The following FAF1 variants were observed in gnomAD, a reference collection of about 807,000 sequenced individuals.
FAF1 encodes Fas associated factor 1, also known as FAS-associated factor 1.
FAF1 carries 25 observed loss-of-function variants against 92.5 expected under a neutral mutation model. The observed-to-expected ratio is 0.27, with a 90% confidence interval of 0.20 to 0.38. The LOEUF is 0.38. FAF1 is among the 10% of genes least tolerant of loss of function. FAF1 has a pLI of 1.00. For missense variants in FAF1, 636 were observed against 793.3 expected (o/e 0.80, Z 2.38); for synonymous variants, 234 against 273.2 (o/e 0.86, Z 1.42).
Position 50,801,654 on chromosome 1 carries a change from T to C in FAF1, c.138A>G (p.Pro46=), listed in dbSNP as rs374575473. Residue 46 remains proline, a synonymous_variant, in exon 3 of 19, where the codon CCA becomes CCG. Coordinates refer to ENST00000396153, the MANE Select transcript of FAF1 (RefSeq NM_007051.3). ...ACCTTTGTAGAATGCCATTTTCCTG[T>C]GGTATTACACCATTGATAGCTGCCT... ...DLVAAINGVI[P]QENGILQSEY... is the part of the protein sequence containing the mutation. The C allele has an allele frequency of 3.8e-6, 6 of 1,596,588 alleles. No homozygotes were observed. In the African/African-American group the frequency reaches 6.7e-5, roughly 18 times the overall value.
At chr1:50,690,144 T>C (rs1656856521) in intron 7 of FAF1, among the ~76,000 whole-genome samples, 2 of 151,742 alleles carry the variant, frequency 1.3e-5, no homozygotes, top group South Asian at 2.1e-4. Flanking sequence ...TACAGGCACA[T>C]GTCACCATGC....
chr1:50,867,450 A>G (rs1644490752), intron 1 of FAF1, among the ~76,000 whole-genome samples: 1 of 152,168 alleles, frequency 6.6e-6, no homozygotes, highest in African/African-American at 2.4e-5. Context: ...ACAAAGAACT[A>G]ATATCTGGAA....
intron 1 of FAF1, among the ~76,000 whole-genome samples, chr1:50,956,677 G>A (rs965260483): frequency 1.3e-5 from 2 of 152,196 alleles, no homozygotes; most frequent in African/African-American, 4.8e-5. Context: ...AGCCGGGTGC[G>A]GTGGCTCATG....
At chr1:50,849,521 C>T (rs536677220) in intron 2 of FAF1, among the ~76,000 whole-genome samples, 43 of 152,072 alleles carry the variant, frequency 2.8e-4, no homozygotes, top group African/African-American at 1.0e-3. Flanking sequence ...AAATAAGTCC[C>T]AAAATTCAAG....
In FAF1 at chr1:50,580,100, G is replaced by A. The variant is rs1451420280; in HGVS notation, c.1113+2518C>T. On this transcript the variant is annotated intron_variant, in intron 12 of 18. Coordinates refer to ENST00000396153, the MANE Select transcript of FAF1 (RefSeq NM_007051.3). ...AATAAATATACAGTATACCCTAAAT[G>A]TTTCTGTGCAGTTTAAGTTTCAATA... 1.3e-5 allele frequency among the ~76,000 whole-genome samples: 2 copies of A among 152,154 alleles called. 1 individual carries two copies. Among genetic ancestry groups the A allele is most frequent in the South Asian group, 4.1e-4 (2 of 4,830 alleles).
At chr1:50,716,454 G>C (rs1658175147) in intron 6 of FAF1, among the ~76,000 whole-genome samples, 1 of 152,204 alleles carries the variant, frequency 6.6e-6, no homozygotes, top group Non-Finnish European at 1.5e-5. Context: ...GGTGAAGCCA[G>C]CTGGACTTCC....
chr1:50,636,582 C>T (rs570971214), intron 8 of FAF1, among the ~76,000 whole-genome samples: 1 of 152,194 alleles, frequency 6.6e-6, no homozygotes, highest in Non-Finnish European at 1.5e-5. Flanking sequence ...TCTTGAACTA[C>T]TGACCTCAGG....
At chr1:50,579,815 C>T (rs1650909830) in intron 12 of FAF1, among the ~76,000 whole-genome samples, 1 of 152,038 alleles carries the variant, frequency 6.6e-6, no homozygotes, top group Admixed American at 6.6e-5. Context: ...ATATCTAATA[C>T]TCAAATATAA....
At chr1:50,569,560 G>T (rs1307522229) in intron 12 of FAF1, among the ~76,000 whole-genome samples, 1 of 152,122 alleles carries the variant, frequency 6.6e-6, no homozygotes, top group Non-Finnish European at 1.5e-5. Context: ...ACAGACAGAG[G>T]GATGTCAACC....
chr1:50,780,299 C>G (rs908843388), intron 4 of FAF1: 4 of 152,736 alleles, frequency 2.6e-5, no homozygotes, highest in African/African-American at 9.7e-5. Flanking sequence ...ATGTGGAGGT[C>G]AGAGTGGAAG....
At chr1:50,460,049 T>C (rs944870768) in intron 18 of FAF1, among the ~76,000 whole-genome samples, 14 of 152,248 alleles carry the variant, frequency 9.2e-5, no homozygotes, top group South Asian at 6.2e-4. Context: ...TAGTTCTTCA[T>C]AGAAGTATTC....
chr1:50,764,625 T>C (rs1660493057), intron 4 of FAF1, among the ~76,000 whole-genome samples: 2 of 152,314 alleles, frequency 1.3e-5, no homozygotes, highest in African/African-American at 4.8e-5. Flanking sequence ...CCATTTCTCA[T>C]GAATCATAGG....
intron 4 of FAF1, among the ~76,000 whole-genome samples, chr1:50,759,071 C>T (rs915126561): frequency 5.3e-5 from 8 of 151,682 alleles, no homozygotes; most frequent in South Asian, 2.1e-4. Flanking sequence ...CTCAATCTCC[C>T]GACCTCATGA....
chr1:50,926,494 A>G (rs1645006885), intron 1 of FAF1, among the ~76,000 whole-genome samples: 1 of 152,132 alleles, frequency 6.6e-6, no homozygotes, highest in Non-Finnish European at 1.5e-5. Context: ...AGGAGGAATG[A>G]GTTCTGGTGT....
intron 7 of FAF1, among the ~76,000 whole-genome samples, chr1:50,661,079 G>C (rs2124311563): frequency 6.6e-6 from 1 of 152,074 alleles, no homozygotes; most frequent in African/African-American, 2.4e-5. Flanking sequence ...ACATCAAAAA[G>C]AAAAATGGCA....
chr1:50,573,148 C>T (rs1380545002), intron 12 of FAF1, among the ~76,000 whole-genome samples: 2 of 151,652 alleles, frequency 1.3e-5, no homozygotes, highest in African/African-American at 2.4e-5. Flanking sequence ...CTCTGTTGCC[C>T]AGGCTGATGG....
chr1:50,648,553 C>A (rs1654701136), intron 8 of FAF1, among the ~76,000 whole-genome samples: 1 of 152,158 alleles, frequency 6.6e-6, no homozygotes, highest in African/African-American at 2.4e-5. Flanking sequence ...TGAATGCCAG[C>A]ATAAAAATCT....
At chr1:50,443,746 T>C (rs1646196344) in intron 18 of FAF1, among the ~76,000 whole-genome samples, 1 of 152,232 alleles carries the variant, frequency 6.6e-6, no homozygotes, top group Non-Finnish European at 1.5e-5. Flanking sequence ...TGGTACAGTG[T>C]CTGAGCCAAT....
At chr1:50,521,711 T>C (rs1372010755) in intron 15 of FAF1, among the ~76,000 whole-genome samples, 1 of 152,252 alleles carries the variant, frequency 6.6e-6, no homozygotes, top group Admixed American at 6.5e-5. Flanking sequence ...TGAATGCTTT[T>C]ACAGTAATAA....
Sources: gnomAD v4.1 joint callset for allele counts (sites outside exome capture counted in the v4.1 genomes callset) on GRCh38, gnomAD v4.1.1 for gene constraint, MANE v1.5 for transcripts, NCBI Gene and HGNC (gene_info 2026-07-23, HGNC 2026-07-21) for gene names.